Variants in DLGAP1 observed in about 807,000 individuals in gnomAD.
DLGAP1 encodes DLG associated protein 1, also known as disks large-associated protein 1.
Under a neutral mutation model 90.8 loss-of-function variants are expected in DLGAP1, and 11 were observed. The observed-to-expected ratio is 0.12, with a 90% confidence interval of 0.08 to 0.20. The LOEUF is 0.20. Ranked by LOEUF, DLGAP1 falls within the 10% of genes least tolerant of loss-of-function variation. The pLI, the probability that DLGAP1 is intolerant of heterozygous loss-of-function variation, is 1.00. For synonymous variants in DLGAP1, 558 were observed against 540.7 expected (o/e 1.03, Z -0.44); for missense variants, 1,050 against 1,333.8 (o/e 0.79, Z 3.31).
chr18:4,453,663 G>T (rs2083891011), intron 1 of DLGAP1, among the ~76,000 whole-genome samples: 1 of 152,136 alleles, frequency 6.6e-6, no homozygotes, highest in Non-Finnish European at 1.5e-5. Context: ...ATCTTAGACT[G>T]ATCTATCCTC....
chr18:3,656,666 T>C (rs576361174), intron 7 of DLGAP1, among the ~76,000 whole-genome samples: 1 of 152,280 alleles, frequency 6.6e-6, no homozygotes, highest in South Asian at 2.1e-4. Context: ...GAACGGGTTA[T>C]CTGAGCAAGT....
At chr18:3,772,317 CCTTCCTTT>C (rs1256885548) in intron 5 of DLGAP1, among the ~76,000 whole-genome samples, 2 of 120,974 alleles carry the variant, frequency 1.7e-5, no homozygotes, top group African/African-American at 5.8e-5. Context: ...CTCCTTCCTT[CCTTCCTTT>C]CTCTCCTTCT....
chr18:3,971,147 C>T (rs902864953), intron 3 of DLGAP1, among the ~76,000 whole-genome samples: 17 of 152,204 alleles, frequency 1.1e-4, no homozygotes, highest in South Asian at 2.1e-4. Context: ...GGTCGCTTTT[C>T]TCCACCCAGC....
At position 4,373,708 on chromosome 18, in the gene DLGAP1, GTATT is replaced by G. The variant is rs2081962633; in HGVS notation, c.-267+81294_-267+81297del. ...TCAGTTGACACCTTTATCACATAGA[GTATT>G]TATTAGCCCTTATTTCTTTTCTTTA... On this transcript the variant is annotated intron_variant, in intron 1 of 12. Coordinates refer to ENST00000315677, the MANE Select transcript of DLGAP1 (RefSeq NM_004746.4). Among the ~76,000 whole-genome samples, 6 of 152,078 alleles carry G rather than the reference GTATT, an allele frequency of 3.9e-5. No homozygotes were observed. The South Asian group carries it at 1.2e-3, about 32-fold the overall frequency.
chr18:4,194,543 T>C (rs1264953240), intron 1 of DLGAP1, among the ~76,000 whole-genome samples: 2 of 152,208 alleles, frequency 1.3e-5, no homozygotes, highest in Non-Finnish European at 2.9e-5. Flanking sequence ...TAACTCTACA[T>C]ATGTGTGAGA....
chr18:3,554,544 C>T (rs917648241), intron 9 of DLGAP1, among the ~76,000 whole-genome samples: 4 of 152,192 alleles, frequency 2.6e-5, no homozygotes, highest in Non-Finnish European at 4.4e-5. Flanking sequence ...GTCCTCACCG[C>T]GAGGCAGCCC....
chr18:3,997,581 C>T (rs965023574), intron 3 of DLGAP1, among the ~76,000 whole-genome samples: 7 of 152,008 alleles, frequency 4.6e-5, no homozygotes, highest in Non-Finnish European at 7.4e-5. Flanking sequence ...TTAACATGTT[C>T]CTCTGTCCAG....
At chr18:4,440,330 A>G (rs2083503866) in intron 1 of DLGAP1, among the ~76,000 whole-genome samples, 1 of 152,104 alleles carries the variant, frequency 6.6e-6, no homozygotes, top group African/African-American at 2.4e-5. Context: ...GACTAATAGA[A>G]TATTTTGACT....
At chr18:4,180,306 G>A (rs1386844080) in intron 1 of DLGAP1, among the ~76,000 whole-genome samples, 3 of 152,128 alleles carry the variant, frequency 2.0e-5, no homozygotes, top group Non-Finnish European at 4.4e-5. Context: ...ACAAAGGAGG[G>A]TGACTAACTC....
chr18:4,214,716 T>C (rs955025051), intron 1 of DLGAP1, among the ~76,000 whole-genome samples: 1 of 152,196 alleles, frequency 6.6e-6, no homozygotes, highest in Non-Finnish European at 1.5e-5. Context: ...ACTATATAGA[T>C]ACATTAGTTA....
At chr18:3,893,115 A>G (rs1300211063) in intron 3 of DLGAP1, among the ~76,000 whole-genome samples, 18 of 151,886 alleles carry the variant, frequency 1.2e-4, no homozygotes, top group Admixed American at 1.2e-3. Context: ...CCACGTGTAC[A>G]CATTATTTAT....
At chr18:3,668,777 C>T (rs943046348) in intron 7 of DLGAP1, among the ~76,000 whole-genome samples, 5 of 152,136 alleles carry the variant, frequency 3.3e-5, no homozygotes, top group Non-Finnish European at 7.3e-5. Flanking sequence ...GCAGGCAGAT[C>T]ACCTAAGGCC....
At chr18:4,259,130 A>T (rs2078954817) in intron 1 of DLGAP1, among the ~76,000 whole-genome samples, 1 of 152,150 alleles carries the variant, frequency 6.6e-6, no homozygotes, top group Non-Finnish European at 1.5e-5. Context: ...AAGCACTCCT[A>T]GCAATCATTC....
chr18:3,557,699 T>C (rs1302698527), intron 9 of DLGAP1, among the ~76,000 whole-genome samples: 1 of 152,166 alleles, frequency 6.6e-6, no homozygotes, highest in Non-Finnish European at 1.5e-5. Flanking sequence ...AGATATGATA[T>C]GATTTATAAT....
chr18:3,848,283 A>AGAG (rs1026828462), intron 4 of DLGAP1, among the ~76,000 whole-genome samples: 5 of 152,120 alleles, frequency 3.3e-5, no homozygotes, highest in Admixed American at 3.3e-4. Context: ...AAGAGGAGGA[A>AGAG]GAGGAGGAGG....
At chr18:4,005,259 G>C (rs1004466553) in intron 2 of DLGAP1, 58 bp from the exon 3 acceptor site, 3 of 152,044 alleles carry the variant, frequency 2.0e-5, no homozygotes, top group African/African-American at 7.3e-5. Context: ...GAAATAGGAG[G>C]GGGTGACAAA....
intron 4 of DLGAP1, among the ~76,000 whole-genome samples, chr18:3,853,050 G>T (rs2069432392): frequency 1.3e-5 from 2 of 152,052 alleles, no homozygotes; most frequent in South Asian, 2.1e-4. Flanking sequence ...ATTTCTAGAA[G>T]AATTTTTATA....
intron 4 of DLGAP1, among the ~76,000 whole-genome samples, chr18:3,866,258 G>C (rs926013425): frequency 4.6e-5 from 7 of 152,186 alleles, no homozygotes; most frequent in Admixed American, 1.3e-4. Flanking sequence ...ACTGGGGACG[G>C]ATAACTTTCC....
At chr18:3,932,514 CCAG>C (rs1284850479) in intron 3 of DLGAP1, among the ~76,000 whole-genome samples, 1 of 152,214 alleles carries the variant, frequency 6.6e-6, no homozygotes, top group Admixed American at 6.5e-5. Flanking sequence ...GCCCTGCCCA[CCAG>C]CAGAAGCCAA....
Sources: gnomAD v4.1 joint callset for allele counts (sites outside exome capture counted in the v4.1 genomes callset) on GRCh38, gnomAD v4.1.1 for gene constraint, MANE v1.5 for transcripts, NCBI Gene and HGNC (gene_info 2026-07-23, HGNC 2026-07-21) for gene names.